The following VPS13A variants were observed in gnomAD, a reference collection of about 807,000 sequenced individuals.
VPS13A encodes vacuolar protein sorting 13 homolog A, also known as intermembrane lipid transfer protein VPS13A.
A neutral mutation model predicts 390.9 loss-of-function variants in VPS13A; 264 were observed. The observed-to-expected ratio is 0.68, with a 90% CI of 0.61 to 0.75. The LOEUF (loss-of-function observed/expected upper bound fraction) is 0.75, where lower values mean the gene tolerates loss of function less well. Ranked by LOEUF, VPS13A falls within the 30% of genes least tolerant of loss-of-function variation. The pLI, the probability that VPS13A is intolerant of heterozygous loss-of-function variation, is 0.00. For missense variants in VPS13A, 3,409 were observed against 3,733.9 expected (o/e 0.91, Z 2.27); for synonymous variants, 1,231 against 1,227.1 (o/e 1.00, Z -0.07).
chr9:77,221,096 G>A, intron 12 of VPS13A, 89 bp from the exon 13 acceptor site: 1 of 1,225,800 alleles, frequency 8.2e-7, no homozygotes, highest in Non-Finnish European at 1.2e-6. Context: ...TTGTATTATA[G>A]TTATGTATGT....
At chr9:77,228,062 T>G in intron 16 of VPS13A, 60 bp from the exon 17 acceptor site, 1 of 1,248,404 alleles carries the variant, frequency 8.0e-7, no homozygotes, top group Non-Finnish European at 1.1e-6. Flanking sequence ...ACTATAAGAA[T>G]ATTTGTTATG....
intron 31 of VPS13A, among the ~76,000 whole-genome samples, chr9:77,289,520 T>G (rs555657325): frequency 3.3e-5 from 5 of 152,156 alleles, no homozygotes; most frequent in Non-Finnish European, 7.3e-5. Flanking sequence ...ATTTTATTGT[T>G]GTACATATAG....
rs143672370 is a variant in VPS13A at position 77,296,421 on chromosome 9, A to G, written c.3812+575A>G. Among the ~76,000 whole-genome samples the G allele has an allele frequency of 4.4e-3, 677 of 152,152 alleles. 8 individuals are homozygous for G. The highest frequency in any genetic ancestry group is 0.015 in the African/African-American group (638 of 41,516). On this transcript the variant is annotated intron_variant, in intron 33 of 71. Coordinates refer to ENST00000360280, the MANE Select transcript of VPS13A (RefSeq NM_033305.3). ...TTCTGAATTTATGCCCTATTTTCCA[A>G]CTTGAATCCTTCTCTATTTATACTT...
At chr9:77,223,273 A>G (rs1473886260) in intron 13 of VPS13A, among the ~76,000 whole-genome samples, 1 of 152,126 alleles carries the variant, frequency 6.6e-6, no homozygotes, top group Non-Finnish European at 1.5e-5. Flanking sequence ...ATGAGATAAA[A>G]TATTGAAATT....
intron 56 of VPS13A, 30 bp downstream of exon 56, chr9:77,357,868 T>C: frequency 1.2e-6 from 2 of 1,600,360 alleles, no homozygotes; most frequent in Non-Finnish European, 1.7e-6. Context: ...TAGGCAAAAT[T>C]GTATTCTAAA....
At position 77,237,547 on chromosome 9, in the gene VPS13A, T is replaced by C. The variant is rs111316667; in HGVS notation, c.1596-455T>C. 7.9e-3 allele frequency among the ~76,000 whole-genome samples: 1,203 copies of C among 152,146 alleles called. 16 individuals carry two copies. The highest frequency in any genetic ancestry group is 0.027 in the African/African-American group (1,128 of 41,518). On this transcript the variant is annotated intron_variant, in intron 17 of 71. Coordinates refer to ENST00000360280, the MANE Select transcript of VPS13A (RefSeq NM_033305.3). Reference sequence around the variant, plus strand: ...ACCTGGCTAACTTTTGTATTTTTAGTTGAGACAGGGTTTCACCACGTTGGC... The same window carrying C: ...ACCTGGCTAACTTTTGTATTTTTAGCTGAGACAGGGTTTCACCACGTTGGC...
intron 1 of VPS13A, among the ~76,000 whole-genome samples, chr9:77,191,588 C>A (rs939961990): frequency 6.6e-6 from 1 of 152,038 alleles, no homozygotes; most frequent in Non-Finnish European, 1.5e-5. Flanking sequence ...CATGAGCCAC[C>A]GTGCCTGGCC....
intron 1 of VPS13A, among the ~76,000 whole-genome samples, chr9:77,187,311 A>G (rs748269612): frequency 7.2e-5 from 11 of 152,302 alleles, no homozygotes; most frequent in South Asian, 4.1e-4. Context: ...TTATCATACT[A>G]CTTTCTATAG....
chr9:77,339,982 G>A (rs1280766201), intron 48 of VPS13A, 71 bp downstream of exon 48: 1 of 1,533,108 alleles, frequency 6.5e-7, no homozygotes, highest in East Asian at 2.2e-5. Flanking sequence ...AAAGTTCTGA[G>A]TAATAAATAT....
chr9:77,269,385 CTG>C (rs1206951003), intron 23 of VPS13A, among the ~76,000 whole-genome samples: 3 of 152,148 alleles, frequency 2.0e-5, no homozygotes, highest in African/African-American at 4.8e-5. Flanking sequence ...CCAGTGATTT[CTG>C]TGTCTATCAT....
At chr9:77,242,433 G>A (rs1447680981) in intron 19 of VPS13A, among the ~76,000 whole-genome samples, 2 of 151,934 alleles carry the variant, frequency 1.3e-5, no homozygotes, top group Non-Finnish European at 2.9e-5. Context: ...AAATATATGT[G>A]TCTTCTCTGG....
At position 77,337,357 on chromosome 9, in the gene VPS13A, A is replaced by T; in HGVS notation, c.6198A>T (p.Lys2066Asn). Reference protein sequence around the residue: ...IKNDGALLKKKCRSKNPSKES... With the variant: ...IKNDGALLKKNCRSKNPSKES... ...ATGATGGTGCTCTTCTAAAGAAGAA[A>T]TGTAGATCTAAAAACCCTTCTAAGG... The change falls in exon 47 of 72, where the codon AAA (lysine) becomes AAT (asparagine). Residue 2066 changes from lysine to asparagine, a missense_variant. By Grantham distance (94) the Lys-to-Asn change is moderately conservative. This residue lies in a region of VPS13A where 2,717 missense variants were observed against 2,917.4 expected (regional missense o/e 0.93). Transcript: ENST00000360280. The T allele has an allele frequency of 6.2e-7, 1 of 1,612,660 alleles. No homozygotes were observed. The highest frequency in any genetic ancestry group is 1.1e-5 in the South Asian group (1 of 91,010).
At chr9:77,316,872 T>C (rs901534599) in intron 39 of VPS13A, among the ~76,000 whole-genome samples, 3 of 152,082 alleles carry the variant, frequency 2.0e-5, no homozygotes, top group South Asian at 2.1e-4. Flanking sequence ...ATACTTCACA[T>C]TGATATTTTA....
intron 62 of VPS13A, 44 bp from the exon 63 acceptor site, chr9:77,369,255 G>C: frequency 7.0e-7 from 1 of 1,432,606 alleles, no homozygotes; most frequent in Non-Finnish European, 9.9e-7. Context: ...AGAAAAAATA[G>C]ATCTAATTAT....
At chr9:77,181,533 AAAAG>A (rs1207835161) in intron 1 of VPS13A, among the ~76,000 whole-genome samples, 1 of 151,506 alleles carries the variant, frequency 6.6e-6, no homozygotes, top group Admixed American at 6.6e-5. Flanking sequence ...AAAAAAAAAA[AAAAG>A]AAACTGGATG....
At position 77,302,908 on chromosome 9, in the gene VPS13A, C is replaced by G. The variant is rs2131394302; in HGVS notation, c.3813-7C>G. 6.2e-7 allele frequency: 1 copy of G among 1,610,562 alleles called. No homozygotes were observed. Among genetic ancestry groups the G allele is most frequent in the East Asian group, 2.2e-5 (1 of 44,782 alleles). On this transcript the variant is annotated splice_region_variant and splice_polypyrimidine_tract_variant and intron_variant, in intron 33 of 71. Coordinates refer to ENST00000360280, the MANE Select transcript of VPS13A (RefSeq NM_033305.3). ...ACAATTTAAAAGAATGTTATCTCTACTTATAGATCTCGATTTATTAATGAT... is the reference window on the plus strand; with the variant it reads ...ACAATTTAAAAGAATGTTATCTCTAGTTATAGATCTCGATTTATTAATGAT...
At chr9:77,225,828 T>G in intron 13 of VPS13A, 98 bp from the exon 14 acceptor site, 1 of 896,708 alleles carries the variant, frequency 1.1e-6, no homozygotes. Flanking sequence ...TCCTATTATA[T>G]CTTTTCTTTA....
Position 77,339,603 on chromosome 9 carries a change from A to G in VPS13A, c.6466A>G (p.Lys2156Glu). Residue 2156 changes from lysine (K) to glutamate (E), a missense_variant, in exon 48 of 72, where the codon AAA becomes GAA. By Grantham distance (56) the Lys-to-Glu change is moderately conservative (BLOSUM62 1). Coordinates refer to ENST00000360280, the MANE Select transcript of VPS13A (RefSeq NM_033305.3). ...GTTGGGTAAAGCCAGGCTACATTTAAAATTACTTGACTATCTCAATCACGA... is the reference window on the plus strand; with the variant it reads ...GTTGGGTAAAGCCAGGCTACATTTAGAATTACTTGACTATCTCAATCACGA... ...AQLGKARLHL[K>E]LLDYLNHDWK... 1 of 1,611,342 alleles carries G rather than the reference A, an allele frequency of 6.2e-7. No homozygotes were observed. Among genetic ancestry groups the G allele is most frequent in the Non-Finnish European group, 8.5e-7 (1 of 1,178,384 alleles).
At chr9:77,272,503 A>G (rs986967345) in intron 23 of VPS13A, among the ~76,000 whole-genome samples, 3 of 152,250 alleles carry the variant, frequency 2.0e-5, no homozygotes, top group South Asian at 2.1e-4. Flanking sequence ...GTGCAATACA[A>G]TATCACAGTA....
Sources: gnomAD v4.1 joint callset for allele counts (sites outside exome capture counted in the v4.1 genomes callset) on GRCh38, gnomAD v4.1.1 for gene constraint, gnomAD v4.1.1 regional missense constraint, MANE v1.5 for transcripts, NCBI Gene and HGNC (gene_info 2026-07-23, HGNC 2026-07-21) for gene names.